The following LPP variants were observed in gnomAD, a reference collection of about 807,000 sequenced individuals.
LPP encodes the protein lipoma-preferred partner.
LPP carries 38 observed loss-of-function variants against 60.4 expected under a neutral mutation model. That is an observed-to-expected ratio of 0.63 (90% confidence interval 0.49 to 0.83). The LOEUF is 0.83. Ranked by LOEUF, LPP falls within the 40% of genes least tolerant of loss-of-function variation. LPP has a pLI of 0.00. For missense variants in LPP, 902 were observed against 783.6 expected (o/e 1.15, Z -1.80); for synonymous variants, 328 against 290.8 (o/e 1.13, Z -1.30).
intron 7 of LPP, among the ~76,000 whole-genome samples, chr3:188,645,122 C>T (rs1478169033): frequency 2.0e-5 from 3 of 152,138 alleles, no homozygotes; most frequent in South Asian, 2.1e-4. Context: ...TTTTTATTAT[C>T]GTTGTAATTA....
intron 3 of LPP, among the ~76,000 whole-genome samples, chr3:188,402,989 A>C (rs1782601582): frequency 6.6e-6 from 1 of 152,200 alleles, no homozygotes; most frequent in African/African-American, 2.4e-5. Flanking sequence ...GCAAGGGTTC[A>C]GAATCATGAA....
intron 7 of LPP, among the ~76,000 whole-genome samples, chr3:188,637,457 G>C (rs1005350149): frequency 6.6e-6 from 1 of 151,200 alleles, no homozygotes; most frequent in Non-Finnish European, 1.5e-5. Flanking sequence ...AAAAGAACTA[G>C]AAAAGCAAGA....
At chr3:188,265,528 A>C (rs1735179548) in intron 2 of LPP, among the ~76,000 whole-genome samples, 1 of 152,208 alleles carries the variant, frequency 6.6e-6, no homozygotes, top group Non-Finnish European at 1.5e-5. Context: ...GATCAATGCT[A>C]GAGTTAGGAA....
chr3:188,401,005 G>T (rs555500849), intron 3 of LPP, among the ~76,000 whole-genome samples: 1 of 152,248 alleles, frequency 6.6e-6, no homozygotes, highest in Admixed American at 6.5e-5. Flanking sequence ...GAGAAAGAAA[G>T]CACTCTAAAA....
At chr3:188,481,587 A>G (rs1804780842) in intron 4 of LPP, among the ~76,000 whole-genome samples, 1 of 152,216 alleles carries the variant, frequency 6.6e-6, no homozygotes, top group African/African-American at 2.4e-5. Context: ...AGAAGGATAT[A>G]TTTGGAAGGG....
At chr3:188,432,106 G>T (rs1252965552) in intron 4 of LPP, among the ~76,000 whole-genome samples, 1 of 152,064 alleles carries the variant, frequency 6.6e-6, no homozygotes, top group African/African-American at 2.4e-5. Context: ...AGCATTATTT[G>T]AAGTTTGGTA....
intron 7 of LPP, among the ~76,000 whole-genome samples, chr3:188,694,469 G>C (rs1862774425): frequency 6.6e-6 from 1 of 152,126 alleles, no homozygotes; most frequent in Non-Finnish European, 1.5e-5. Flanking sequence ...TTGGGAGGCA[G>C]AGGCAGGTGG....
In LPP at chr3:188,665,839, A is replaced by G. The variant is rs149608409; in HGVS notation, c.1114-42428A>G. On this transcript the variant is annotated intron_variant, in intron 7 of 11. Coordinates refer to ENST00000617246, the MANE Select transcript of LPP (RefSeq NM_001375462.1). ...ACTAACTTGTCCTTTCCTTTGTAAC[A>G]TCAGTCAGTTTTGTTAACAAAGTAA... Among the ~76,000 whole-genome samples the G allele has an allele frequency of 3.8e-3, 582 of 152,304 alleles. 5 individuals are homozygous for G. The highest frequency in any genetic ancestry group is 7.2e-3 in the Non-Finnish European group (493 of 68,022).
intron 2 of LPP, among the ~76,000 whole-genome samples, chr3:188,329,643 A>T (rs924485988): frequency 9.2e-5 from 14 of 152,066 alleles, no homozygotes; most frequent in Admixed American, 5.9e-4. Flanking sequence ...TCCGTTTTTT[A>T]AAAAATGTTA....
chr3:188,584,189 T>C (rs1210077924), intron 6 of LPP, among the ~76,000 whole-genome samples: 1 of 152,200 alleles, frequency 6.6e-6, no homozygotes, highest in East Asian at 1.9e-4. Context: ...TCTGTCAAGC[T>C]TTTGGGGGAT....
chr3:188,813,323 G>A (rs374996581), intron 9 of LPP, among the ~76,000 whole-genome samples: 23 of 152,208 alleles, frequency 1.5e-4, no homozygotes, highest in East Asian at 7.7e-4. Flanking sequence ...ATTATTTGAT[G>A]TATGCTTTAT....
At position 188,312,365 on chromosome 3, in the gene LPP, T is replaced by C. The variant is rs557679403; in HGVS notation, c.-66-29298T>C. Among the ~76,000 whole-genome samples the C allele has an allele frequency of 3.9e-5, 6 of 152,374 alleles. No individual in the cohort carries two copies. The East Asian group carries it at 1.2e-3, about 29-fold the overall frequency. On this transcript the variant is annotated intron_variant, in intron 2 of 11. Coordinates refer to ENST00000617246, the MANE Select transcript of LPP (RefSeq NM_001375462.1). Reference sequence around the variant, plus strand: ...ATTGCTGAATTTTTGCTTATTGATTTATTACAGTTAAGAAAATTAACTTGT... The same window carrying C: ...ATTGCTGAATTTTTGCTTATTGATTCATTACAGTTAAGAAAATTAACTTGT...
chr3:188,232,328 C>A (rs1045222715), intron 2 of LPP, among the ~76,000 whole-genome samples: 2 of 151,812 alleles, frequency 1.3e-5, no homozygotes, highest in Admixed American at 6.6e-5. Flanking sequence ...CAACTCTCAG[C>A]AATTTTTTTT....
At chr3:188,571,841 G>C (rs1045637191) in intron 6 of LPP, among the ~76,000 whole-genome samples, 2 of 152,054 alleles carry the variant, frequency 1.3e-5, no homozygotes, top group African/African-American at 2.4e-5. Context: ...ATACAGTTGC[G>C]GAGACATCAG....
rs1167795146 is a variant in LPP at position 188,732,716 on chromosome 3, C to CAAAAA, written c.1240+24339_1240+24343dup. Among the ~76,000 whole-genome samples, 560 of 74,222 alleles carry CAAAAA rather than the reference C, an allele frequency of 7.5e-3. 22 individuals carry two copies. The highest frequency in any genetic ancestry group is 0.014 in the South Asian group (21 of 1,488). The allele number at this position is 74,222 out of a possible 152,430, so 48.7% of individuals were successfully genotyped here. A position where few individuals can be genotyped will look rare whatever the true frequency, so the allele number is the denominator to read the frequency against. On this transcript the variant is annotated intron_variant, in intron 8 of 11. Coordinates refer to ENST00000617246, the MANE Select transcript of LPP (RefSeq NM_001375462.1). ...CCTAGCGACAGAGTGAGACTCTTAT[C>CAAAAA]AAAAAAAAAAAAAAAAAAAAGAATA... is the stretch of plus-strand genomic sequence containing the variant.
intron 6 of LPP, among the ~76,000 whole-genome samples, chr3:188,557,909 A>G (rs571535028): frequency 6.6e-6 from 1 of 152,112 alleles, no homozygotes; most frequent in Non-Finnish European, 1.5e-5. Flanking sequence ...AAGCAGGTAA[A>G]GAGAAGATCC....
intron 2 of LPP, among the ~76,000 whole-genome samples, chr3:188,237,869 A>G (rs560375964): frequency 1.3e-5 from 2 of 152,332 alleles, no homozygotes; most frequent in Admixed American, 6.5e-5. Flanking sequence ...CAGCCACATT[A>G]GCCTCTAACA....
At chr3:188,857,821 G>A (rs1764197992) in intron 9 of LPP, among the ~76,000 whole-genome samples, 1 of 152,160 alleles carries the variant, frequency 6.6e-6, no homozygotes, top group African/African-American at 2.4e-5. Context: ...AGAATTAATG[G>A]TGAAGGGAAA....
chr3:188,762,964 A>T (rs1358663963), intron 9 of LPP, among the ~76,000 whole-genome samples: 3 of 152,176 alleles, frequency 2.0e-5, no homozygotes. Context: ...CAGAACTTTA[A>T]TTTCTTCTGA....
Sources: gnomAD v4.1 joint callset for allele counts (sites outside exome capture counted in the v4.1 genomes callset) on GRCh38, gnomAD v4.1.1 for gene constraint, MANE v1.5 for transcripts, NCBI Gene and HGNC (gene_info 2026-07-23, HGNC 2026-07-21) for gene names.